UNC5C: variants seen among roughly 807,000 people sequenced by gnomAD.
The protein encoded by UNC5C is unc-5 netrin receptor C.
In UNC5C, 47 loss-of-function variants were observed where a neutral mutation model predicts 99.8. That is an observed-to-expected ratio of 0.47 (90% CI 0.37 to 0.60). The LOEUF is 0.60. Among genes scored for constraint, UNC5C ranks in the 20% least tolerant of loss-of-function variants. UNC5C has a pLI of 0.00. For missense variants in UNC5C, 1,062 were observed against 1,165.9 expected, an observed-to-expected ratio of 0.91 and a Z score of 1.30; for synonymous variants, 487 against 452.2, an observed-to-expected ratio of 1.08 and a Z score of -0.98.
intron 1 of UNC5C, among the ~76,000 whole-genome samples, chr4:95,520,373 T>C (rs1353508711): frequency 1.3e-5 from 2 of 152,190 alleles, no homozygotes; most frequent in African/African-American, 4.8e-5. Flanking sequence ...GATTGACTCA[T>C]TGTACTTGTC....
chr4:95,384,968 A>G (rs981112453), intron 1 of UNC5C, among the ~76,000 whole-genome samples: 4 of 152,150 alleles, frequency 2.6e-5, no homozygotes, highest in African/African-American at 9.7e-5. Flanking sequence ...GAGAATGTAC[A>G]GATAGGACAG....
At chr4:95,516,813 G>A (rs965226333) in intron 1 of UNC5C, among the ~76,000 whole-genome samples, 3 of 152,066 alleles carry the variant, frequency 2.0e-5, no homozygotes, top group African/African-American at 2.4e-5. Flanking sequence ...TTTCGACCAG[G>A]CATTTTAAAA....
At chr4:95,268,105 G>A (rs1350352454) in intron 4 of UNC5C, among the ~76,000 whole-genome samples, 3 of 151,736 alleles carry the variant, frequency 2.0e-5, no homozygotes, top group South Asian at 2.1e-4. Flanking sequence ...GCCCGCCACC[G>A]CGCCCGGTTA....
At chr4:95,441,152 C>T (rs949124699) in intron 1 of UNC5C, among the ~76,000 whole-genome samples, 33 of 152,136 alleles carry the variant, frequency 2.2e-4, no homozygotes, top group African/African-American at 6.8e-4. Flanking sequence ...TTAAATTCAA[C>T]GGTGTCTTAA....
chr4:95,384,475 C>T (rs1203242581), intron 1 of UNC5C, among the ~76,000 whole-genome samples: 1 of 152,112 alleles, frequency 6.6e-6, no homozygotes, highest in Non-Finnish European at 1.5e-5. Flanking sequence ...TAAACACTCA[C>T]CACGTTCCAG....
At chr4:95,339,721 C>A (rs1439742718) in intron 1 of UNC5C, among the ~76,000 whole-genome samples, 1 of 152,080 alleles carries the variant, frequency 6.6e-6, no homozygotes, top group Admixed American at 6.6e-5. Flanking sequence ...TATAAATGCA[C>A]ACCCCAGCTG....
At position 95,169,216 on chromosome 4, in the gene UNC5C, C is replaced by T. The variant is rs1272769842; in HGVS notation, c.*18G>A. The stretch of plus-strand genomic sequence containing the variant: ...CCCTGTGCATTTTTGTCCTTCATTT[C>T]CCCTTCCAGCATGGTGGTTAATACT... On this transcript the variant is annotated 3_prime_UTR_variant, in exon 16 of 16. Coordinates refer to ENST00000453304, the MANE Select transcript of UNC5C (RefSeq NM_003728.4). 3 of 1,612,218 alleles carry T rather than the reference C, an allele frequency of 1.9e-6. No homozygotes were observed. The highest frequency in any genetic ancestry group is 2.2e-5 in the East Asian group (1 of 44,834).
chr4:95,436,869 T>C (rs1012160319), intron 1 of UNC5C, among the ~76,000 whole-genome samples: 6 of 151,778 alleles, frequency 4.0e-5, no homozygotes, highest in African/African-American at 1.5e-4. Context: ...CTAATTTCTA[T>C]GACAGATGTA....
At chr4:95,493,988 T>G (rs1721570440) in intron 1 of UNC5C, among the ~76,000 whole-genome samples, 1 of 151,474 alleles carries the variant, frequency 6.6e-6, no homozygotes, top group Non-Finnish European at 1.5e-5. Flanking sequence ...TATGATACAT[T>G]TCATGATTAA....
intron 12 of UNC5C, among the ~76,000 whole-genome samples, chr4:95,188,471 T>A (rs1339547008): frequency 2.0e-5 from 3 of 152,158 alleles, no homozygotes; most frequent in African/African-American, 7.2e-5. Context: ...GAATCTCAAA[T>A]AGAGTTTTGT....
chr4:95,453,667 C>G (rs1388947339), intron 1 of UNC5C, among the ~76,000 whole-genome samples: 1 of 151,920 alleles, frequency 6.6e-6, no homozygotes, highest in East Asian at 1.9e-4. Context: ...TTGTGCTAAG[C>G]ATTACAGTTT....
intron 1 of UNC5C, among the ~76,000 whole-genome samples, chr4:95,414,049 T>A (rs746982943): frequency 9.9e-5 from 15 of 152,196 alleles, no homozygotes; most frequent in Non-Finnish European, 1.0e-4. Context: ...TTCTCTTTGA[T>A]CAGATGTATG....
At chr4:95,171,392 C>CCCCCTA (rs1736099886) in intron 14 of UNC5C, among the ~76,000 whole-genome samples, 1 of 140,108 alleles carries the variant, frequency 7.1e-6, no homozygotes, top group Non-Finnish European at 1.5e-5. Flanking sequence ...CCTCCCACCT[C>CCCCCTA]CCCCTACCCC....
chr4:95,216,300 C>T lies in UNC5C; in HGVS notation c.1646-89G>A, dbSNP rs116381143. The T allele has an allele frequency of 3.5e-4, 339 of 966,668 alleles. 2 individuals carry two copies. In the African/African-American group the frequency reaches 3.7e-3, roughly 11 times the overall value. 59.9% of individuals were successfully genotyped at this position (966,668 alleles called of 1,614,324 possible). On this transcript the variant is annotated intron_variant, in intron 9 of 15. Transcript: ENST00000453304. The stretch of plus-strand genomic sequence containing the variant: ...GATTTTGTGACCGCGCAGCCATAAG[C>T]CTGCTTCATTTTCTCTAAAGACATG...
chr4:95,442,201 G>T (rs1049129479), intron 1 of UNC5C, among the ~76,000 whole-genome samples: 2 of 151,798 alleles, frequency 1.3e-5, no homozygotes, highest in Non-Finnish European at 2.9e-5. Context: ...TTGATTGTTT[G>T]TTTATTTGTT....
chr4:95,293,255 C>A (rs1422225339), intron 3 of UNC5C, among the ~76,000 whole-genome samples: 1 of 144,404 alleles, frequency 6.9e-6, no homozygotes, highest in African/African-American at 2.6e-5. Flanking sequence ...GGCAGGAAGC[C>A]AAGGTCTGTT....
At chr4:95,452,519 A>C (rs758758806) in intron 1 of UNC5C, among the ~76,000 whole-genome samples, 2 of 152,164 alleles carry the variant, frequency 1.3e-5, no homozygotes, top group African/African-American at 2.4e-5. Flanking sequence ...AGCGAACAGC[A>C]GACACTACCA....
intron 7 of UNC5C, among the ~76,000 whole-genome samples, chr4:95,239,625 G>A (rs1255717174): frequency 2.6e-5 from 4 of 152,056 alleles, no homozygotes; most frequent in African/African-American, 7.2e-5. Context: ...TGGCATTTGA[G>A]GATTTCTCTA....
intron 1 of UNC5C, among the ~76,000 whole-genome samples, chr4:95,427,919 A>C (rs576621470): frequency 6.6e-6 from 1 of 152,170 alleles, no homozygotes; most frequent in Non-Finnish European, 1.5e-5. Context: ...AAGAACTATA[A>C]ATTTTCTGAA....
Sources: gnomAD v4.1 joint callset for allele counts (sites outside exome capture counted in the v4.1 genomes callset) on GRCh38, gnomAD v4.1.1 for gene constraint, MANE v1.5 for transcripts, NCBI Gene and HGNC (gene_info 2026-07-23, HGNC 2026-07-21) for gene names.